Variants in LINGO2 observed in about 807,000 individuals in gnomAD.
The protein encoded by LINGO2 is leucine rich repeat and Ig domain containing 2.
In LINGO2, 14 loss-of-function variants were observed where a neutral mutation model predicts 30.6. The ratio of observed to expected loss-of-function variants is 0.46; its 90% CI spans 0.30 to 0.72. The LOEUF (loss-of-function observed/expected upper bound fraction) is 0.72, where lower values mean the gene tolerates loss of function less well. Among genes scored for constraint, LINGO2 ranks in the 30% least tolerant of loss-of-function variants. The pLI, the probability that LINGO2 is intolerant of heterozygous loss-of-function variation, is 0.07. For synonymous variants in LINGO2, 317 were observed against 288.5 expected, an observed-to-expected ratio of 1.10 and a Z score of -1.00; for missense variants, 729 against 751.7, an observed-to-expected ratio of 0.97 and a Z score of 0.35.
At chr9:28,662,702 G>A (rs900751308) in intron 1 of LINGO2, among the ~76,000 whole-genome samples, 5 of 152,122 alleles carry the variant, frequency 3.3e-5, no homozygotes, top group Admixed American at 1.3e-4. Context: ...ATTTTGTAGC[G>A]CTATAATGTT....
chr9:29,107,957 AC>A, the LINGO2 span, among the ~76,000 whole-genome samples: 1 of 152,096 alleles, frequency 6.6e-6, no homozygotes, highest in Non-Finnish European at 1.5e-5. Context: ...TTGAAAAGAT[AC>A]ATTAGAGCTG....
chr9:28,204,087 A>G (rs1820329362), intron 4 of LINGO2, among the ~76,000 whole-genome samples: 1 of 152,198 alleles, frequency 6.6e-6, no homozygotes, highest in African/African-American at 2.4e-5. Flanking sequence ...ATACTCTTTA[A>G]TACTGGATTC....
chr9:27,986,665 G>T (rs920098087), intron 5 of LINGO2, among the ~76,000 whole-genome samples: 3 of 151,856 alleles, frequency 2.0e-5, no homozygotes, highest in African/African-American at 4.8e-5. Flanking sequence ...ACAGATCATG[G>T]CTGGAGTATC....
rs372680497 is a variant in LINGO2, at chr9:28,477,355, G to A, written c.-364-1330C>T. Reference sequence around the variant, plus strand: ...CCCTACTTTTAATGATGAGAAAAATGAGGCACAGTTTAAGTGAATTATTCA... The same window carrying A: ...CCCTACTTTTAATGATGAGAAAAATAAGGCACAGTTTAAGTGAATTATTCA... On this transcript the variant is annotated intron_variant, in intron 1 of 5. Coordinates refer to ENST00000379992, the Ensembl canonical transcript of LINGO2. Among the ~76,000 whole-genome samples, 37 of 152,194 alleles carry A rather than the reference G, an allele frequency of 2.4e-4. No homozygotes were observed. In the South Asian group the frequency reaches 6.0e-3, roughly 25 times the overall value.
chr9:28,489,214 G>A (rs541702989), intron 1 of LINGO2, among the ~76,000 whole-genome samples: 1 of 152,202 alleles, frequency 6.6e-6, no homozygotes, highest in South Asian at 2.1e-4. Flanking sequence ...ACAATCCAGG[G>A]AGGTGAGAGT....
the LINGO2 span, among the ~76,000 whole-genome samples, chr9:28,904,871 G>T: frequency 6.6e-6 from 1 of 151,926 alleles, no homozygotes; most frequent in Admixed American, 6.6e-5. Flanking sequence ...AAAAGACCTG[G>T]AAGAGTCAAA....
chr9:28,889,159 AAG>A, the LINGO2 span, among the ~76,000 whole-genome samples: 2 of 152,126 alleles, frequency 1.3e-5, no homozygotes, highest in Admixed American at 6.6e-5. Flanking sequence ...AGCATCCCTT[AAG>A]CAGGTCACTG....
At chr9:28,734,143 ATTAAG>A in the LINGO2 span, among the ~76,000 whole-genome samples, 14 of 152,118 alleles carry the variant, frequency 9.2e-5, no homozygotes, top group Admixed American at 2.0e-4. Context: ...GTAACTAATA[ATTAAG>A]TTATTAGTAA....
rs192450170 is a variant in LINGO2, at chr9:28,362,738, G to A, written c.-246+10098C>T. On this transcript the variant is annotated intron_variant, in intron 3 of 5. Transcript: ENST00000379992. ...GCCTGCCTCAGCCTCCAAAGTGCAG[G>A]GATTACAGGTGTGAGCCACCACGCC... Among the ~76,000 whole-genome samples, 719 of 152,130 alleles carry A rather than the reference G, an allele frequency of 4.7e-3. 6 individuals carry two copies. The highest frequency in any genetic ancestry group is 9.7e-3 in the Admixed American group (148 of 15,262).
chr9:28,608,151 T>TAA lies in LINGO2; in HGVS notation c.-365+62047_-365+62048dup, dbSNP rs10968670. Among the ~76,000 whole-genome samples, 567 of 147,720 alleles carry TAA rather than the reference T, an allele frequency of 3.8e-3. 8 individuals carry two copies. The highest frequency in any genetic ancestry group is 0.012 in the African/African-American group (505 of 40,544). ...TTTTTAATTACATTCTGTAGAAAGA[T>TAA]AAAAAAAAAAAAACTTAGTACTATC... On this transcript the variant is annotated intron_variant, in intron 1 of 5. Transcript: ENST00000379992.
chr9:28,065,402 AT>A (rs1825282751), intron 4 of LINGO2, among the ~76,000 whole-genome samples: 1 of 146,814 alleles, frequency 6.8e-6, no homozygotes, highest in African/African-American at 2.5e-5. Flanking sequence ...GCCATTGTGA[AT>A]AAGAGGGTGG....
At chr9:28,932,067 A>C in the LINGO2 span, among the ~76,000 whole-genome samples, 1 of 150,384 alleles carries the variant, frequency 6.6e-6, no homozygotes, top group Non-Finnish European at 1.5e-5. Flanking sequence ...AGATTGCGCC[A>C]TTGCACTCCA....
the LINGO2 span, among the ~76,000 whole-genome samples, chr9:28,760,264 C>G: frequency 6.6e-6 from 1 of 151,870 alleles, no homozygotes; most frequent in Non-Finnish European, 1.5e-5. Flanking sequence ...AAGTATAAAA[C>G]ACCTTGTATT....
chr9:28,760,758 G>T, the LINGO2 span, among the ~76,000 whole-genome samples: 1 of 151,712 alleles, frequency 6.6e-6, no homozygotes, highest in Non-Finnish European at 1.5e-5. Context: ...ACAATGTTTG[G>T]TTTTCCATTC....
chr9:28,803,835 G>A, the LINGO2 span, among the ~76,000 whole-genome samples: 3 of 151,978 alleles, frequency 2.0e-5, no homozygotes, highest in African/African-American at 4.8e-5. Flanking sequence ...GATAAAATCA[G>A]TGTTAACTAA....
the LINGO2 span, among the ~76,000 whole-genome samples, chr9:29,187,413 T>C: frequency 6.6e-6 from 1 of 152,208 alleles, no homozygotes; most frequent in Admixed American, 6.5e-5. Context: ...TATATTCTGG[T>C]AATATTTTAA....
chr9:28,769,431 C>G, the LINGO2 span, among the ~76,000 whole-genome samples: 4 of 120,308 alleles, frequency 3.3e-5, no homozygotes, highest in African/African-American at 1.3e-4. Context: ...AGTCTGATGA[C>G]CATTTAATTT....
At chr9:28,365,429 C>G (rs576317405) in intron 3 of LINGO2, among the ~76,000 whole-genome samples, 1 of 152,084 alleles carries the variant, frequency 6.6e-6, no homozygotes, top group Non-Finnish European at 1.5e-5. Flanking sequence ...GCTGCAGAGG[C>G]GACCCTATTT....
chr9:28,777,433 C>A, the LINGO2 span, among the ~76,000 whole-genome samples: 1 of 152,100 alleles, frequency 6.6e-6, no homozygotes, highest in African/African-American at 2.4e-5. Flanking sequence ...GTTTTCTAAG[C>A]TGTTGAAAGC....
Sources: gnomAD v4.1 joint callset for allele counts (sites outside exome capture counted in the v4.1 genomes callset) on GRCh38, gnomAD v4.1.1 for gene constraint, MANE v1.5 for transcripts, NCBI Gene and HGNC (gene_info 2026-07-23, HGNC 2026-07-21) for gene names.